NUFIP1: variants seen among roughly 807,000 people sequenced by gnomAD.
The protein encoded by NUFIP1 is FMR1-interacting protein NUFIP1.
Under a neutral mutation model 56.2 loss-of-function variants are expected in NUFIP1, and 38 were observed. The observed-to-expected ratio is 0.68, with a 90% CI of 0.52 to 0.89. The LOEUF (loss-of-function observed/expected upper bound fraction) is 0.89, where lower values mean the gene tolerates loss of function less well. NUFIP1 is among the 40% of genes least tolerant of loss of function. The pLI is 0.00. For missense variants in NUFIP1, 567 were observed against 605.8 expected (o/e 0.94, Z 0.67); for synonymous variants, 215 against 212.4 (o/e 1.01, Z -0.10).
chr13:44,975,075 GCTTC>G lies in NUFIP1; in HGVS notation c.734+4111_734+4114del, dbSNP rs1593367989. Among the ~76,000 whole-genome samples, 4 of 152,172 alleles carry G rather than the reference GCTTC, an allele frequency of 2.6e-5. No individual in the cohort carries two copies. In the East Asian group the frequency reaches 7.7e-4, roughly 29 times the overall value. On this transcript the variant is annotated intron_variant, in intron 5 of 9. Coordinates refer to ENST00000379161, the MANE Select transcript of NUFIP1 (RefSeq NM_012345.3). ...CTTCTCAAAATTTTCCCCTCCACTG[GCTTC>G]CAGAGGAAGTTTTCTTCTACCTCTC...
rs746005610 is a variant in NUFIP1, at chr13:44,979,900, T to C, written c.647A>G (p.His216Arg). The C allele has an allele frequency of 6.3e-6, 10 of 1,598,184 alleles. No homozygotes were observed. Among genetic ancestry groups the C allele is most frequent in the South Asian group, 3.5e-5 (3 of 86,514 alleles). Residue 216 changes from histidine to arginine, a missense_variant, in exon 4 of 10, where the codon CAT (histidine) becomes CGT (arginine). By Grantham distance (29) the His-to-Arg change is conservative (BLOSUM62 0). Transcript: ENST00000379161. ...FTAHEKIVQF[H>R]WRNMHAPGMK... ...AAAAACAGAACTTACATTTCTCCAA[T>C]GGAACTGGACAATCTTCTCGTGTGC...
intron 3 of NUFIP1, 117 bp from the exon 4 acceptor site, chr13:44,980,069 T>C (rs946497378): frequency 1.5e-6 from 1 of 667,964 alleles, no homozygotes; most frequent in Non-Finnish European, 2.4e-6. Flanking sequence ...CCCATCTGTA[T>C]AGTATTATCT....
Position 44,989,126 on chromosome 13 carries a change from T to C in NUFIP1, c.311A>G (p.Gln104Arg). 1 of 1,614,060 alleles carries C rather than the reference T, an allele frequency of 6.2e-7. No individual in the cohort carries two copies. Among genetic ancestry groups the C allele is most frequent in the Non-Finnish European group, 8.5e-7 (1 of 1,179,992 alleles). Reference protein sequence around the residue: ...DAQSPLDSQPQPSGQPWNFHA... With the variant: ...DAQSPLDSQPRPSGQPWNFHA... Reference sequence around the variant, plus strand: ...GAAATTCCAAGGCTGGCCGCTGGGTTGAGGCTGAGAATCAAGGGGAGACTG... The same window carrying C: ...GAAATTCCAAGGCTGGCCGCTGGGTCGAGGCTGAGAATCAAGGGGAGACTG... Residue 104 changes from glutamine to arginine, a missense_variant, in exon 1 of 10, where the codon CAA becomes CGA. Transcript: ENST00000379161.
chr13:44,944,702 G>A (rs1870855330), intron 8 of NUFIP1, among the ~76,000 whole-genome samples: 1 of 151,852 alleles, frequency 6.6e-6, no homozygotes, highest in Non-Finnish European at 1.5e-5. Context: ...AAAGTATAGA[G>A]ATATGTTCTC....
intron 5 of NUFIP1, among the ~76,000 whole-genome samples, chr13:44,969,839 C>T (rs1303296689): frequency 6.6e-6 from 1 of 152,136 alleles, no homozygotes; most frequent in Non-Finnish European, 1.5e-5. Flanking sequence ...ATTGGCTTTT[C>T]CCCTCTGCCT....
intron 2 of NUFIP1, among the ~76,000 whole-genome samples, chr13:44,981,406 T>C (rs1243795283): frequency 6.6e-6 from 1 of 152,182 alleles, no homozygotes; most frequent in East Asian, 1.9e-4. Context: ...CGACTATTTA[T>C]GTTATTGGTA....
intron 2 of NUFIP1, among the ~76,000 whole-genome samples, chr13:44,981,550 G>C (rs532952858): frequency 6.6e-6 from 1 of 152,136 alleles, no homozygotes; most frequent in Non-Finnish European, 1.5e-5. Flanking sequence ...GGTGGCTCAC[G>C]CCTTAATCCC....
chr13:44,942,464 ATT>A (rs1264130685), intron 9 of NUFIP1, among the ~76,000 whole-genome samples: 1 of 152,208 alleles, frequency 6.6e-6, no homozygotes, highest in Non-Finnish European at 1.5e-5. Flanking sequence ...TGGAGCGTAT[ATT>A]TCAGATCCAT....
Position 44,980,733 on chromosome 13 carries a change from C to T in NUFIP1, c.583G>A (p.Glu195Lys), listed in dbSNP as rs1872158051. Reference sequence around the variant, plus strand: ...CTAAGAAAACCTACTTTTGTATGTTCAGACATGTGTTTGTCATACTTTTCT... The same window carrying T: ...CTAAGAAAACCTACTTTTGTATGTTTAGACATGTGTTTGTCATACTTTTCT... ...NQEKYDKHMS[E>K]HTKCPELDCS... The change falls in exon 3 of 10, where the codon GAA becomes AAA. Residue 195 changes from glutamate to lysine, a missense_variant. By Grantham distance (56) the Glu-to-Lys change is moderately conservative (BLOSUM62 1). Transcript: ENST00000379161. 1 of 1,599,278 alleles carries T rather than the reference C, an allele frequency of 6.3e-7. No individual in the cohort carries two copies. Among genetic ancestry groups the T allele is most frequent in the African/African-American group, 1.3e-5 (1 of 74,118 alleles).
intron 1 of NUFIP1, among the ~76,000 whole-genome samples, chr13:44,985,806 C>T (rs1872367713): frequency 6.6e-6 from 1 of 152,146 alleles, no homozygotes; most frequent in African/African-American, 2.4e-5. Context: ...ATTAATAACC[C>T]TATCATGGTC....
At chr13:44,949,423 G>A (rs995919300) in intron 8 of NUFIP1, among the ~76,000 whole-genome samples, 1 of 151,456 alleles carries the variant, frequency 6.6e-6, no homozygotes, top group African/African-American at 2.4e-5. Context: ...GGATGGTCTC[G>A]ATCTCCTGAC....
intron 7 of NUFIP1, among the ~76,000 whole-genome samples, chr13:44,956,197 G>C (rs531477790): frequency 6.7e-6 from 1 of 148,268 alleles, no homozygotes; most frequent in Admixed American, 6.7e-5. Flanking sequence ...ACAAATTTTT[G>C]TTGGGCTGCA....
At chr13:44,957,972 G>A (rs1037495819) in intron 7 of NUFIP1, among the ~76,000 whole-genome samples, 3 of 152,190 alleles carry the variant, frequency 2.0e-5, no homozygotes, top group African/African-American at 7.2e-5. Flanking sequence ...CACATTACAA[G>A]TCTGAAGAAG....
At chr13:44,964,283 T>C (rs1357273908) in intron 6 of NUFIP1, among the ~76,000 whole-genome samples, 1 of 152,260 alleles carries the variant, frequency 6.6e-6, no homozygotes. Context: ...AAAGACACCA[T>C]TAAGAACTTC....
chr13:44,985,826 T>C (rs1306814757), intron 1 of NUFIP1, among the ~76,000 whole-genome samples: 3 of 152,170 alleles, frequency 2.0e-5, no homozygotes, highest in Admixed American at 2.0e-4. Context: ...CTCTAAGTGT[T>C]CAAGCAAAAG....
chr13:44,960,012 A>C (rs1263123019), intron 6 of NUFIP1, among the ~76,000 whole-genome samples: 15 of 149,880 alleles, frequency 1.0e-4, no homozygotes, highest in Admixed American at 1.0e-3. Context: ...GCTCACTGCA[A>C]CCTCCACCTC....
At position 44,982,169 on chromosome 13, in the gene NUFIP1, ATCC is replaced by A; in HGVS notation, c.413-18_413-16del. ...AGAATTTTTAACTAAAAAAAAAAAG[ATCC>A]ATAAATGTTTGCAACAATGTAATTA... On this transcript the variant is annotated splice_polypyrimidine_tract_variant and intron_variant, in intron 1 of 9. Transcript: ENST00000379161. 9.8e-6 allele frequency: 12 copies of A among 1,224,756 alleles called. No individual in the cohort carries two copies. The highest frequency in any genetic ancestry group is 1.3e-5 in the Non-Finnish European group (12 of 895,710). 75.9% of individuals were successfully genotyped at this position (1,224,756 alleles called of 1,614,324 possible).
At position 44,939,325 on chromosome 13, in the gene NUFIP1, T is replaced by C. The variant is rs1278820314; in HGVS notation, c.*1881A>G. 12 of 152,054 alleles carry C rather than the reference T, an allele frequency of 7.9e-5. No homozygotes were observed. Among genetic ancestry groups the C allele is most frequent in the African/African-American group, 2.4e-4 (10 of 41,412 alleles). 9.4% of individuals were successfully genotyped at this position (152,054 alleles called of 1,614,324 possible). Reference sequence around the variant, plus strand: ...CCAGAGCTGGTTTGATTAAGGAAAATAGAAGTCAATTATAGAGGATATGAG... The same window carrying C: ...CCAGAGCTGGTTTGATTAAGGAAAACAGAAGTCAATTATAGAGGATATGAG... On this transcript the variant is annotated 3_prime_UTR_variant, in exon 10 of 10. Coordinates refer to ENST00000379161, the MANE Select transcript of NUFIP1 (RefSeq NM_012345.3).
chr13:44,961,410 G>A (rs1008449680), intron 6 of NUFIP1, among the ~76,000 whole-genome samples: 3 of 152,156 alleles, frequency 2.0e-5, no homozygotes, highest in Non-Finnish European at 2.9e-5. Flanking sequence ...ATAGAATTCA[G>A]ATAATATAAA....
Sources: allele counts gnomAD v4.1 joint callset (sites outside exome capture counted in the v4.1 genomes callset), GRCh38; gene constraint gnomAD v4.1.1; transcripts MANE v1.5; gene names NCBI Gene and HGNC (gene_info 2026-07-23, HGNC 2026-07-21).